Variants in AK8 observed in about 807,000 individuals in gnomAD.
The protein encoded by AK8 is adenylate kinase 8, also known as ATP-AMP transphosphorylase 8.
Under a neutral mutation model 54.6 loss-of-function variants are expected in AK8, and 44 were observed. That is an observed-to-expected ratio of 0.81 (90% CI 0.63 to 1.04). AK8 has a LOEUF of 1.04. AK8 is among the 50% of genes least tolerant of loss of function. AK8 has a pLI of 0.00. For missense variants in AK8, 555 were observed against 613.6 expected (o/e 0.90, Z 1.01); for synonymous variants, 239 against 245.6 (o/e 0.97, Z 0.25).
intron 11 of AK8, among the ~76,000 whole-genome samples, chr9:132,787,313 G>A (rs1839754625): frequency 1.3e-5 from 2 of 152,044 alleles, no homozygotes; most frequent in African/African-American, 2.4e-5. Context: ...CCTATACCAA[G>A]GATATAATGA....
chr9:132,832,984 C>T (rs1215898343), intron 5 of AK8, among the ~76,000 whole-genome samples: 2 of 152,124 alleles, frequency 1.3e-5, no homozygotes, highest in Non-Finnish European at 2.9e-5. Flanking sequence ...ACAAGGTCCC[C>T]GAGGAAGCCC....
intron 11 of AK8, among the ~76,000 whole-genome samples, chr9:132,751,096 G>C (rs915057187): frequency 6.6e-6 from 1 of 151,814 alleles, no homozygotes; most frequent in Non-Finnish European, 1.5e-5. Flanking sequence ...AAACTTCTGG[G>C]TTTTATGCCG....
intron 4 of AK8, 86 bp from the exon 5 acceptor site, chr9:132,855,011 G>T: frequency 2.1e-6 from 3 of 1,422,130 alleles, no homozygotes; most frequent in South Asian, 1.2e-5. Context: ...CTTCACCAAC[G>T]CCCTGGCCTC....
chr9:132,844,263 C>G (rs1377760624), intron 5 of AK8, among the ~76,000 whole-genome samples: 1 of 48,452 alleles, frequency 2.1e-5, no homozygotes, highest in East Asian at 7.3e-4. Context: ...ATGGTCACTT[C>G]AAAAAAAAAT....
chr9:132,867,794 G>A (rs1488810670), intron 2 of AK8, among the ~76,000 whole-genome samples: 1 of 152,254 alleles, frequency 6.6e-6, no homozygotes, highest in Non-Finnish European at 1.5e-5. Flanking sequence ...CCCACTGCAG[G>A]TGGAAAAACT....
At chr9:132,818,663 G>A (rs1268547052) in intron 9 of AK8, among the ~76,000 whole-genome samples, 4 of 152,092 alleles carry the variant, frequency 2.6e-5, no homozygotes, top group African/African-American at 9.7e-5. Flanking sequence ...GAGGAACAAA[G>A]AACAGATGAC....
chr9:132,783,044 C>CT (rs2131135180), intron 11 of AK8, among the ~76,000 whole-genome samples: 1 of 152,332 alleles, frequency 6.6e-6, no homozygotes, highest in South Asian at 2.1e-4. Context: ...AATAGGTTAT[C>CT]TTACCAGGAA....
At chr9:132,747,285 C>T (rs143000927) in intron 11 of AK8, among the ~76,000 whole-genome samples, 197 of 151,718 alleles carry the variant, frequency 1.3e-3, no homozygotes, top group African/African-American at 4.2e-3. Context: ...GGACTACAGG[C>T]GTGTGCCACC....
rs1254561235 is a variant in AK8 at position 132,799,251 on chromosome 9, T to C, written c.980-6476A>G. Among the ~76,000 whole-genome samples the C allele has an allele frequency of 1.3e-5, 2 of 152,076 alleles. No individual in the cohort carries two copies. The highest frequency in any genetic ancestry group is 2.1e-4 in the South Asian group (1 of 4,822). ...CATCAGTTATTGTTGAGGGAGAAGA[T>C]ATGAGGGACACTAAGGTTTCTGGGG... On this transcript the variant is annotated intron_variant, in intron 10 of 12. Transcript: ENST00000298545. The surrounding 1 kb of genome is among the most constrained non-coding windows in gnomAD (Gnocchi z 5.0).
intron 1 of AK8, among the ~76,000 whole-genome samples, chr9:132,876,129 G>A (rs1041919764): frequency 2.0e-5 from 3 of 152,052 alleles, no homozygotes; most frequent in African/African-American, 7.2e-5. Flanking sequence ...AAAGAGCACC[G>A]AGCCATGAGA....
chr9:132,823,282 A>G lies in AK8; in HGVS notation c.812T>C (p.Val271Ala). The G allele has an allele frequency of 6.2e-7, 1 of 1,613,084 alleles. No homozygotes were observed. ...HRTNAPFTPR[V>A]LLLGPVGSGK... ...ACTGCCCACAGGCCCGAGCAGCAGC[A>G]CCCTCGGGGTGAACGGGGCATTAGT... Residue 271 changes from valine to alanine, a missense_variant, in exon 9 of 13, where the codon GTG (valine) becomes GCG (alanine). Transcript: ENST00000298545.
intron 11 of AK8, among the ~76,000 whole-genome samples, chr9:132,779,045 G>GAAGAACAGGCTACCTTCCCCAC: frequency 6.6e-6 from 1 of 152,124 alleles, no homozygotes; most frequent in African/African-American, 2.4e-5. Flanking sequence ...AAGCCAATGA[G>GAAGAACAGGCTACCTTCCCCAC]TGTCTTTAAA....
chr9:132,834,120 G>A (rs1303245801), intron 5 of AK8, among the ~76,000 whole-genome samples: 1 of 152,200 alleles, frequency 6.6e-6, no homozygotes, highest in African/African-American at 2.4e-5. Context: ...AATCAGTTTC[G>A]CTCAGTTCCA....
chr9:132,792,841 CT>C, intron 10 of AK8, 66 bp from the exon 11 acceptor site: 2 of 1,495,760 alleles, frequency 1.3e-6, no homozygotes, highest in Non-Finnish European at 1.8e-6. Flanking sequence ...GGCTTCCTAA[CT>C]TTACTTGGCC....
intron 5 of AK8, among the ~76,000 whole-genome samples, chr9:132,847,420 GT>G (rs1243735394): frequency 6.6e-6 from 1 of 152,160 alleles, no homozygotes; most frequent in Non-Finnish European, 1.5e-5. Flanking sequence ...GAACTACATA[GT>G]TTCTCCCTTC....
In AK8 at chr9:132,781,973, A is replaced by G. The variant is rs887841539; in HGVS notation, c.1121+10661T>C. 6.6e-6 allele frequency among the ~76,000 whole-genome samples: 1 copy of G among 152,270 alleles called. No individual in the cohort carries two copies. The highest frequency in any genetic ancestry group is 1.5e-5 in the Non-Finnish European group (1 of 68,044). Reference sequence around the variant, plus strand: ...AAGGAGGAAGGAAAATATACCTTCAATGACTACGAAAGGATGATCAACAGC... The same window carrying G: ...AAGGAGGAAGGAAAATATACCTTCAGTGACTACGAAAGGATGATCAACAGC... On this transcript the variant is annotated intron_variant, in intron 11 of 12. Coordinates refer to ENST00000298545, the MANE Select transcript of AK8 (RefSeq NM_152572.3). This position sits in a 1 kb window ranked among gnomAD's most constrained non-coding sequence, Gnocchi z 4.6.
chr9:132,807,239 T>TGGGCC (rs956435879), intron 10 of AK8, among the ~76,000 whole-genome samples: 1 of 152,074 alleles, frequency 6.6e-6, no homozygotes, highest in African/African-American at 2.4e-5. Context: ...TCACCGTAAC[T>TGGGCC]GGGCCGACGA....
chr9:132,796,080 A>G (rs548390153), intron 10 of AK8, among the ~76,000 whole-genome samples: 9 of 152,326 alleles, frequency 5.9e-5, no homozygotes, highest in African/African-American at 1.9e-4. Context: ...TTTCAAAGTT[A>G]GGAAACTGAA....
At chr9:132,876,259 C>CGAT (rs1413804391) in intron 1 of AK8, among the ~76,000 whole-genome samples, 11 of 151,996 alleles carry the variant, frequency 7.2e-5, no homozygotes, top group African/African-American at 1.7e-4. Context: ...GTCACTGGTG[C>CGAT]GATGATGGAA....
Sources: allele counts gnomAD v4.1 joint callset (sites outside exome capture counted in the v4.1 genomes callset), GRCh38; gene constraint gnomAD v4.1.1; non-coding constraint Gnocchi (gnomAD v3.1); transcripts MANE v1.5; gene names NCBI Gene and HGNC (gene_info 2026-07-23, HGNC 2026-07-21).